SEMA3A: variants seen among roughly 807,000 people sequenced by gnomAD.
The protein encoded by SEMA3A is semaphorin 3A.
SEMA3A carries 29 observed loss-of-function variants against 97.9 expected under a neutral mutation model. The observed-to-expected ratio is 0.30, with a 90% CI of 0.22 to 0.40. The LOEUF (loss-of-function observed/expected upper bound fraction) is 0.40, where lower values mean the gene tolerates loss of function less well. Ranked by LOEUF, SEMA3A falls within the 10% of genes least tolerant of loss-of-function variation. SEMA3A has a pLI of 1.00. For synonymous variants in SEMA3A, 321 were observed against 323.7 expected (o/e 0.99, Z 0.09); for missense variants, 763 against 951.3 (o/e 0.80, Z 2.60).
At chr7:84,054,470 A>T (rs1278261834) in intron 5 of SEMA3A, among the ~76,000 whole-genome samples, 3 of 151,952 alleles carry the variant, frequency 2.0e-5, no homozygotes, top group African/African-American at 7.3e-5. Context: ...TCCATCGCTG[A>T]TACCCTTTCT....
chr7:84,090,912 C>A (rs757283991), intron 4 of SEMA3A, among the ~76,000 whole-genome samples: 2 of 150,728 alleles, frequency 1.3e-5, no homozygotes, highest in African/African-American at 4.9e-5. Flanking sequence ...GCTAAAAATA[C>A]AAAAATTAGC....
At chr7:84,465,299 T>C (rs2715040) in intron 1 of SEMA3A, among the ~76,000 whole-genome samples, 39,895 of 151,972 alleles carry the variant, frequency 0.26, 7,009 homozygotes, top group East Asian at 0.62. Flanking sequence ...AGATCCTCAT[T>C]CATACCCCAA....
chr7:84,334,339 T>A (rs368404355), intron 2 of SEMA3A, among the ~76,000 whole-genome samples: 3 of 152,140 alleles, frequency 2.0e-5, no homozygotes, highest in South Asian at 2.1e-4. Flanking sequence ...ATGTTCATAA[T>A]CTATAATTTA....
At chr7:84,453,328 T>TG (rs1386414184) in intron 1 of SEMA3A, among the ~76,000 whole-genome samples, 1 of 149,368 alleles carries the variant, frequency 6.7e-6, no homozygotes, top group African/African-American at 2.5e-5. Context: ...CTCCGCCCCC[T>TG]GGGGTTCACG....
intron 1 of SEMA3A, among the ~76,000 whole-genome samples, chr7:84,479,478 A>G (rs1291740426): frequency 6.6e-6 from 1 of 152,190 alleles, no homozygotes; most frequent in Non-Finnish European, 1.5e-5. Context: ...AAAAATGTAG[A>G]CATCATGGCC....
At chr7:84,086,484 A>G (rs868514366) in intron 4 of SEMA3A, among the ~76,000 whole-genome samples, 2 of 57,562 alleles carry the variant, frequency 3.5e-5, no homozygotes, top group Non-Finnish European at 1.0e-4. Context: ...TTATTATATT[A>G]TATTTACATA....
In SEMA3A at chr7:84,310,794, T is replaced by G. The variant is rs183985260; in HGVS notation, c.-168-3502A>C. Among the ~76,000 whole-genome samples the G allele has an allele frequency of 5.3e-5, 8 of 152,184 alleles. No individual in the cohort carries two copies. The East Asian group carries it at 1.5e-3, about 29-fold the overall frequency. On this transcript the variant is annotated intron_variant, in intron 2 of 3. Transcript: ENST00000424555. ...AAAGATTTAAAGCTGTTATTAATAT[T>G]GCTAGAAAATTTCATTTCAAATTTA... is the stretch of plus-strand genomic sequence containing the variant.
intron 2 of SEMA3A, among the ~76,000 whole-genome samples, chr7:84,310,896 G>A (rs1801298071): frequency 1.3e-5 from 2 of 151,576 alleles, no homozygotes; most frequent in Non-Finnish European, 2.9e-5. Context: ...GGGAAGATGA[G>A]GTAATTTGGG....
intron 3 of SEMA3A, among the ~76,000 whole-genome samples, chr7:84,268,442 G>T (rs928620030): frequency 6.6e-6 from 1 of 152,008 alleles, no homozygotes; most frequent in African/African-American, 2.4e-5. Flanking sequence ...AGTTCACTTG[G>T]GCCCAGGTGA....
rs184979728 is a variant in SEMA3A, at chr7:84,322,229, G to T, written c.-168-14937C>A. On this transcript the variant is annotated intron_variant, in intron 2 of 3. Transcript: ENST00000424555. ...GAGTTACAATTCAAAGTGAGATTTG[G>T]GTGGGGACACAGAGCCAAACCATAT... 3.3e-3 allele frequency among the ~76,000 whole-genome samples: 500 copies of T among 151,904 alleles called. 3 individuals carry two copies. The highest frequency in any genetic ancestry group is 5.5e-3 in the Non-Finnish European group (372 of 67,982).
chr7:84,217,440 T>C (rs1798776136), intron 3 of SEMA3A, among the ~76,000 whole-genome samples: 1 of 152,134 alleles, frequency 6.6e-6, no homozygotes, highest in Admixed American at 6.5e-5. Flanking sequence ...TTTATGCTAA[T>C]AAACACACTT....
chr7:83,970,598 T>G (rs1044519578), intron 15 of SEMA3A, among the ~76,000 whole-genome samples: 1 of 152,218 alleles, frequency 6.6e-6, no homozygotes, highest in Non-Finnish European at 1.5e-5. Flanking sequence ...TTTGATTTGT[T>G]ATCAATTTTG....
At position 84,001,584 on chromosome 7, in the gene SEMA3A, T is replaced by C. The variant is rs185825768; in HGVS notation, c.1452+371A>G. ...TCTGTCATTCCGAATATATTTCCTT[T>C]AGTACATTCATGGAAGTTACATATC... is the stretch of plus-strand genomic sequence containing the variant. On this transcript the variant is annotated intron_variant, in intron 12 of 16. Coordinates refer to ENST00000265362, the MANE Select transcript of SEMA3A (RefSeq NM_006080.3). 4.6e-3 allele frequency among the ~76,000 whole-genome samples: 699 copies of C among 152,244 alleles called. 8 individuals carry two copies. The highest frequency in any genetic ancestry group is 0.016 in the African/African-American group (655 of 41,524).
chr7:84,239,211 T>C lies in SEMA3A; in HGVS notation c.-82-44543A>G, dbSNP rs113111292. On this transcript the variant is annotated intron_variant, in intron 3 of 3. Transcript: ENST00000424555. ...TATTTGCTTTAGGTAAAACCAAGCATTTAAAAAATTAATAGTTTTTTAATT... is the reference window on the plus strand; with the variant it reads ...TATTTGCTTTAGGTAAAACCAAGCACTTAAAAAATTAATAGTTTTTTAATT... Among the ~76,000 whole-genome samples the C allele has an allele frequency of 3.3e-5, 5 of 152,344 alleles. 1 individual carries two copies. The highest frequency in any genetic ancestry group is 1.2e-4 in the African/African-American group (5 of 41,586).
intron 3 of SEMA3A, among the ~76,000 whole-genome samples, chr7:84,212,585 C>T (rs373759243): frequency 4.6e-4 from 70 of 152,178 alleles, no homozygotes; most frequent in Admixed American, 2.0e-4. Context: ...CAAATAATGA[C>T]ACACATGATA....
At chr7:84,144,837 C>A (rs1158797418) in intron 1 of SEMA3A, among the ~76,000 whole-genome samples, 1 of 152,080 alleles carries the variant, frequency 6.6e-6, no homozygotes, top group African/African-American at 2.4e-5. Flanking sequence ...GAATCAAAAT[C>A]AAAAGAGAAC....
At chr7:84,469,608 A>AT (rs374672416) in intron 1 of SEMA3A, among the ~76,000 whole-genome samples, 227 of 152,216 alleles carry the variant, frequency 1.5e-3, no homozygotes, top group African/African-American at 4.9e-3. Context: ...GATCATTAAG[A>AT]TTTTTTCTGT....
At chr7:84,274,653 T>A (rs930461998) in intron 3 of SEMA3A, among the ~76,000 whole-genome samples, 1 of 152,138 alleles carries the variant, frequency 6.6e-6, no homozygotes, top group African/African-American at 2.4e-5. Flanking sequence ...TGTACTCTAC[T>A]GTACTTATAA....
intron 2 of SEMA3A, among the ~76,000 whole-genome samples, chr7:84,312,466 C>G (rs1344124675): frequency 6.6e-6 from 1 of 151,548 alleles, no homozygotes; most frequent in East Asian, 1.9e-4. Context: ...AACAGAAATT[C>G]TATAAACTAT....
Sources: gnomAD v4.1 joint callset for allele counts (sites outside exome capture counted in the v4.1 genomes callset) on GRCh38, gnomAD v4.1.1 for gene constraint, MANE v1.5 for transcripts, NCBI Gene and HGNC (gene_info 2026-07-23, HGNC 2026-07-21) for gene names.